Variants in SEMA5B observed in about 807,000 individuals in gnomAD.
SEMA5B encodes the protein semaphorin-5B.
Under a neutral mutation model 135.0 loss-of-function variants are expected in SEMA5B, and 66 were observed. The ratio of observed to expected loss-of-function variants is 0.49; its 90% CI spans 0.40 to 0.60. SEMA5B has a LOEUF of 0.60. SEMA5B is among the 20% of genes least tolerant of loss of function. The probability of loss-of-function intolerance (pLI) is 0.00; values close to 1 mark genes in which losing one functional copy is unlikely to be tolerated. For missense variants in SEMA5B, 1,501 were observed against 1,566.3 expected, an observed-to-expected ratio of 0.96 and a Z score of 0.70; for synonymous variants, 690 against 639.5, an observed-to-expected ratio of 1.08 and a Z score of -1.19.
At chr3:123,008,562 C>T (rs776118368) in intron 1 of SEMA5B, among the ~76,000 whole-genome samples, 3 of 151,838 alleles carry the variant, frequency 2.0e-5, no homozygotes, top group Non-Finnish European at 4.4e-5. Context: ...AGAGTGAGGA[C>T]GAGGTGTGGA....
chr3:122,917,171 C>T (rs1037328543), intron 12 of SEMA5B, among the ~76,000 whole-genome samples: 5 of 152,198 alleles, frequency 3.3e-5, no homozygotes, highest in Non-Finnish European at 7.3e-5. Flanking sequence ...GGGGATACCT[C>T]GATCCCTCTG....
intron 1 of SEMA5B, among the ~76,000 whole-genome samples, chr3:122,967,370 G>T (rs1940905839): frequency 6.6e-6 from 1 of 152,230 alleles, no homozygotes; most frequent in Non-Finnish European, 1.5e-5. Flanking sequence ...ATCTTCTCGA[G>T]TTGAATTAAC....
At chr3:122,962,751 T>C (rs767936589) in intron 1 of SEMA5B, among the ~76,000 whole-genome samples, 1 of 152,234 alleles carries the variant, frequency 6.6e-6, no homozygotes, top group Non-Finnish European at 1.5e-5. Flanking sequence ...TTGCTTTCTG[T>C]GCTGGTGGTG....
At chr3:122,973,900 A>G (rs1941217341) in intron 1 of SEMA5B, among the ~76,000 whole-genome samples, 1 of 152,194 alleles carries the variant, frequency 6.6e-6, no homozygotes, top group South Asian at 2.1e-4. Flanking sequence ...CTTCTTCACC[A>G]GGCCCAATAC....
At chr3:122,915,336 G>A (rs1224517844) in intron 14 of SEMA5B, 104 bp downstream of exon 14, 2 of 1,153,766 alleles carry the variant, frequency 1.7e-6, no homozygotes, top group South Asian at 3.1e-5. Context: ...CCCTGAAGTG[G>A]TTTCTGTCCC....
chr3:122,943,001 G>A (rs886243643), intron 4 of SEMA5B, among the ~76,000 whole-genome samples: 1 of 152,222 alleles, frequency 6.6e-6, no homozygotes, highest in South Asian at 2.1e-4. Flanking sequence ...AGGTAGGTGA[G>A]GTCCTTCGGG....
chr3:123,017,586 T>C (rs1425915286), intron 1 of SEMA5B, among the ~76,000 whole-genome samples: 4 of 152,184 alleles, frequency 2.6e-5, no homozygotes, highest in Non-Finnish European at 5.9e-5. Context: ...AACTGTAGCA[T>C]GCAACAGAAT....
In SEMA5B at chr3:122,910,153, G is replaced by A; in HGVS notation, c.3446C>T (p.Pro1149Leu). ...CCCAGGACGGCGGTATCAGCTGTTG[G>A]GGAAGCACCGTTGTCCAGGTGAGGC... ...PEASPGQRCF[P>L]NS Residue 1149 changes from proline to leucine, a missense_variant, in exon 23 of 23, where the codon CCC becomes CTC. Pro to Leu is a moderately conservative substitution (Grantham distance 98). This residue lies in a region of SEMA5B where 927 missense variants were observed against 881.6 expected (regional missense o/e 1.05). Transcript: ENST00000357599. 6.2e-7 allele frequency: 1 copy of A among 1,614,092 alleles called. No homozygotes were observed. Among genetic ancestry groups the A allele is most frequent in the Non-Finnish European group, 8.5e-7 (1 of 1,179,954 alleles).
chr3:122,940,623 G>A (rs996901866), intron 4 of SEMA5B, among the ~76,000 whole-genome samples: 6 of 152,228 alleles, frequency 3.9e-5, no homozygotes, highest in African/African-American at 7.2e-5. Context: ...GAGTGGGACC[G>A]GAAGAGAAAG....
At chr3:122,974,557 G>A (rs533145420) in intron 1 of SEMA5B, among the ~76,000 whole-genome samples, 10 of 152,316 alleles carry the variant, frequency 6.6e-5, no homozygotes, top group Admixed American at 5.2e-4. Flanking sequence ...GCAGGGACAC[G>A]TGCCTGAGGA....
intron 1 of SEMA5B, chr3:122,993,029 A>T (rs1941924940): frequency 6.6e-6 from 1 of 152,296 alleles, no homozygotes; most frequent in Non-Finnish European, 1.5e-5. Flanking sequence ...GGGGCTGATG[A>T]GGAGTTCTCA....
intron 1 of SEMA5B, among the ~76,000 whole-genome samples, chr3:122,976,867 T>C (rs1365761143): frequency 6.6e-6 from 1 of 152,070 alleles, no homozygotes; most frequent in East Asian, 1.9e-4. Context: ...CTTGCCAACA[T>C]GATGAAACCC....
chr3:122,959,548 G>GAGTA (rs1383257039), intron 2 of SEMA5B, among the ~76,000 whole-genome samples: 2 of 151,322 alleles, frequency 1.3e-5, no homozygotes, highest in African/African-American at 4.9e-5. Flanking sequence ...CCTACAAACA[G>GAGTA]AGTAAGTCAA....
At chr3:122,966,937 T>G (rs868374148) in intron 1 of SEMA5B, among the ~76,000 whole-genome samples, 1 of 149,876 alleles carries the variant, frequency 6.7e-6, no homozygotes, top group Admixed American at 6.7e-5. Context: ...CAGGCTGGAA[T>G]GCAATGGTGC....
chr3:122,987,582 G>A (rs1941742296), intron 1 of SEMA5B, among the ~76,000 whole-genome samples: 1 of 152,192 alleles, frequency 6.6e-6, no homozygotes, highest in African/African-American at 2.4e-5. Flanking sequence ...AATCACTGAG[G>A]CACCACTCTC....
intron 1 of SEMA5B, among the ~76,000 whole-genome samples, chr3:122,996,637 T>C (rs1170534007): frequency 6.6e-6 from 1 of 152,212 alleles, no homozygotes; most frequent in Non-Finnish European, 1.5e-5. Flanking sequence ...CTTTCTAGCC[T>C]TCCTGTGCAG....
intron 1 of SEMA5B, among the ~76,000 whole-genome samples, chr3:122,983,008 A>T (rs1442473658): frequency 6.6e-6 from 1 of 151,868 alleles, no homozygotes; most frequent in East Asian, 1.9e-4. Flanking sequence ...CTCTGATCAC[A>T]GAAGGAAGGG....
At chr3:122,949,227 A>G (rs1353112603) in intron 2 of SEMA5B, among the ~76,000 whole-genome samples, 1 of 152,234 alleles carries the variant, frequency 6.6e-6, no homozygotes, top group Non-Finnish European at 1.5e-5. Flanking sequence ...AAAGATAGAT[A>G]AATTTGACTA....
chr3:123,018,049 G>T (rs1302650930), intron 1 of SEMA5B, among the ~76,000 whole-genome samples: 1 of 152,190 alleles, frequency 6.6e-6, no homozygotes, highest in Non-Finnish European at 1.5e-5. Context: ...CTAATGCCAC[G>T]AGTCAGGGGC....
Sources: gnomAD v4.1 joint callset for allele counts (sites outside exome capture counted in the v4.1 genomes callset) on GRCh38, gnomAD v4.1.1 for gene constraint, gnomAD v4.1.1 regional missense constraint, MANE v1.5 for transcripts, NCBI Gene and HGNC (gene_info 2026-07-23, HGNC 2026-07-21) for gene names.